NAALAD2: variants seen among roughly 807,000 people sequenced by gnomAD.
The protein encoded by NAALAD2 is N-acetylated-alpha-linked acidic dipeptidase 2.
Under a neutral mutation model 95.6 loss-of-function variants are expected in NAALAD2, and 89 were observed. The ratio of observed to expected loss-of-function variants is 0.93; its 90% CI spans 0.78 to 1.11. The LOEUF is 1.11. NAALAD2 is among the 50% of genes least tolerant of loss of function. The pLI, the probability that NAALAD2 is intolerant of heterozygous loss-of-function variation, is 0.00. For synonymous variants in NAALAD2, 264 were observed against 294.4 expected (o/e 0.90, Z 1.06); for missense variants, 894 against 872.4 (o/e 1.02, Z -0.31).
chr11:90,147,809 C>A (rs1951783620), intron 3 of NAALAD2, among the ~76,000 whole-genome samples: 1 of 152,092 alleles, frequency 6.6e-6, no homozygotes. Context: ...CTCAGCCCAG[C>A]CTGGGAGTTA....
In NAALAD2 at chr11:90,181,740, AAAG is replaced by A. The variant is rs1229310184; in HGVS notation, c.1940+40_1940+42del. On this transcript the variant is annotated intron_variant, in intron 17 of 18. Coordinates refer to ENST00000534061, the MANE Select transcript of NAALAD2 (RefSeq NM_005467.4). ...CCCTTTTTTTTTAAAAAAAAAAAAA[AAAG>A]CAATCTGGTTACTAGAATGAACTGT... The A allele has an allele frequency of 5.5e-6, 7 of 1,281,842 alleles. No homozygotes were observed. The Admixed American group carries it at 8.6e-5, about 16-fold the overall frequency. The allele number at this position is 1,281,842 out of a possible 1,614,324, so 79.4% of individuals were successfully genotyped here. A position where few individuals can be genotyped will look rare whatever the true frequency, so the allele number is the denominator to read the frequency against.
Position 90,191,866 on chromosome 11 carries a change from T to C in NAALAD2, c.*119T>C. 1.3e-6 allele frequency: 1 copy of C among 747,272 alleles called. No homozygotes were observed. Among genetic ancestry groups the C allele is most frequent in the East Asian group, 3.2e-5 (1 of 31,582 alleles). 46.3% of individuals were successfully genotyped at this position (747,272 alleles called of 1,614,324 possible). ...CTCTTTTCATGTCATGTTTTGATTA[T>C]AGGCTTTGGTCTTTTCATCTGCAAA... On this transcript the variant is annotated 3_prime_UTR_variant, in exon 19 of 19. Coordinates refer to ENST00000534061, the MANE Select transcript of NAALAD2 (RefSeq NM_005467.4).
At position 90,162,838 on chromosome 11, in the gene NAALAD2, T is replaced by C. The variant is rs967460032; in HGVS notation, c.990-111T>C. The C allele has an allele frequency of 1.6e-4, 94 of 605,148 alleles. 1 individual carries two copies. In the East Asian group the frequency reaches 2.8e-3, roughly 18 times the overall value. The allele number at this position is 605,148 out of a possible 1,614,324, so 37.5% of individuals were successfully genotyped here. A position where few individuals can be genotyped will look rare whatever the true frequency, so the allele number is the denominator to read the frequency against. ...AGAGATATGAGAATCCATTATGCTA[T>C]TGCACAGCTTTTCATAATAAAACAC... On this transcript the variant is annotated intron_variant, in intron 8 of 18. Transcript: ENST00000534061.
intron 2 of NAALAD2, among the ~76,000 whole-genome samples, chr11:90,140,694 G>T (rs10765251): frequency 0.45 from 68,021 of 151,822 alleles, 16,189 homozygotes; most frequent in African/African-American, 0.61. Flanking sequence ...CTCATTTGCA[G>T]ATCAGAAGTT....
chr11:90,157,457 A>G (rs1258200421), intron 6 of NAALAD2, among the ~76,000 whole-genome samples: 2 of 151,990 alleles, frequency 1.3e-5, no homozygotes, highest in Non-Finnish European at 2.9e-5. Context: ...TTTTCCCAAG[A>G]TTGCATATGT....
chr11:90,164,064 C>T (rs1257001642), intron 11 of NAALAD2: 1 of 211,616 alleles, frequency 4.7e-6, no homozygotes, highest in Admixed American at 5.7e-5. Flanking sequence ...TATATTTTCA[C>T]ATTGACAGAT....
At chr11:90,174,331 CAAA>C (rs778712509) in intron 14 of NAALAD2, among the ~76,000 whole-genome samples, 1 of 130,636 alleles carries the variant, frequency 7.7e-6, no homozygotes. Context: ...AACTCCATCT[CAAA>C]AAAAAAAAAA....
At chr11:90,167,358 G>A (rs930335736) in intron 11 of NAALAD2, among the ~76,000 whole-genome samples, 5 of 152,198 alleles carry the variant, frequency 3.3e-5, no homozygotes, top group Admixed American at 1.3e-4. Context: ...TCGATTTCTC[G>A]CTGGGCCTTA....
intron 2 of NAALAD2, among the ~76,000 whole-genome samples, chr11:90,143,684 C>T (rs903774945): frequency 3.9e-5 from 6 of 152,154 alleles, no homozygotes; most frequent in Non-Finnish European, 5.9e-5. Flanking sequence ...ACCCTACAGA[C>T]AGATACACTG....
chr11:90,190,614 T>C (rs1372012479), intron 18 of NAALAD2, among the ~76,000 whole-genome samples: 2 of 152,178 alleles, frequency 1.3e-5, no homozygotes, highest in East Asian at 1.9e-4. Context: ...TCTTGACTCA[T>C]ATACAGGTCA....
Position 90,181,541 on chromosome 11 carries a change from A to G in NAALAD2, c.1859-79A>G, listed in dbSNP as rs757477140. 9.8e-5 allele frequency: 91 copies of G among 932,216 alleles called. No individual in the cohort carries two copies. The Middle Eastern group carries it at 1.4e-3, about 15-fold the overall frequency. 57.7% of individuals were successfully genotyped at this position (932,216 alleles called of 1,614,324 possible). ...CTTCGACATCTATGTGGTCATATCA[A>G]TCTGGAATGGGGAGGGTGGGAAAGC... On this transcript the variant is annotated intron_variant, in intron 16 of 18. Coordinates refer to ENST00000534061, the MANE Select transcript of NAALAD2 (RefSeq NM_005467.4).
chr11:90,139,598 C>A (rs1047169888), intron 2 of NAALAD2, among the ~76,000 whole-genome samples: 1 of 152,132 alleles, frequency 6.6e-6, no homozygotes, highest in African/African-American at 2.4e-5. Flanking sequence ...AGTTAAACTT[C>A]TTTCTAAATG....
chr11:90,165,866 C>CT (rs1952427242), intron 11 of NAALAD2, among the ~76,000 whole-genome samples: 1 of 152,066 alleles, frequency 6.6e-6, no homozygotes, highest in Non-Finnish European at 1.5e-5. Context: ...ATTTCAGCAG[C>CT]TGAACATAAA....
chr11:90,176,051 A>G lies in NAALAD2; in HGVS notation c.1582A>G (p.Thr528Ala), dbSNP rs1381613112. The G allele has an allele frequency of 2.5e-6, 4 of 1,612,834 alleles. No individual in the cohort carries two copies. In the African/African-American group the frequency reaches 5.3e-5, roughly 22 times the overall value. The change falls in exon 15 of 19, where the codon ACT (threonine) becomes GCT (alanine). Residue 528 changes from threonine to alanine, a missense_variant. Transcript: ENST00000534061. ...AATTGCTTCAGGCAGAGCCCGTTAC[A>G]CTAAGAATAAGGTAAGCCATTTTAT... Reference protein sequence around the residue: ...LGIASGRARYTKNKKTDKYSS... With the variant: ...LGIASGRARYAKNKKTDKYSS...
intron 2 of NAALAD2, 38 bp downstream of exon 2, chr11:90,135,708 T>C: frequency 1.3e-6 from 2 of 1,535,478 alleles, no homozygotes; most frequent in Admixed American, 3.4e-5. Context: ...AAAAATCATG[T>C]TTAAAATATC....
At chr11:90,140,769 C>T (rs778254303) in intron 2 of NAALAD2, among the ~76,000 whole-genome samples, 3 of 151,982 alleles carry the variant, frequency 2.0e-5, no homozygotes, top group Non-Finnish European at 2.9e-5. Context: ...CTTTTGGGTT[C>T]ATATCTAAGA....
chr11:90,149,342 T>C (rs1951829441), intron 4 of NAALAD2, among the ~76,000 whole-genome samples: 2 of 152,216 alleles, frequency 1.3e-5, no homozygotes, highest in East Asian at 3.8e-4. Flanking sequence ...CTGACCCTGC[T>C]GAAGCAGTTG....
chr11:90,137,802 G>T (rs1367630694), intron 2 of NAALAD2, among the ~76,000 whole-genome samples: 1 of 151,424 alleles, frequency 6.6e-6, no homozygotes, highest in Non-Finnish European at 1.5e-5. Flanking sequence ...TATTTATTTT[G>T]TTGTTGTTGT....
intron 6 of NAALAD2, among the ~76,000 whole-genome samples, chr11:90,155,773 T>C (rs1486142548): frequency 7.5e-6 from 1 of 133,162 alleles, no homozygotes; most frequent in Non-Finnish European, 1.5e-5. Flanking sequence ...ATTATGTATG[T>C]AATATGTATT....
Sources: allele counts gnomAD v4.1 joint callset (sites outside exome capture counted in the v4.1 genomes callset), GRCh38; gene constraint gnomAD v4.1.1; transcripts MANE v1.5; gene names NCBI Gene and HGNC (gene_info 2026-07-23, HGNC 2026-07-21).